Variants in FBXW11 observed in about 807,000 individuals in gnomAD.
The protein encoded by FBXW11 is F-box and WD repeat domain containing 11.
A neutral mutation model predicts 77.6 loss-of-function variants in FBXW11; 19 were observed. The observed-to-expected ratio is 0.24, with a 90% CI of 0.17 to 0.36. FBXW11 has a LOEUF of 0.36. FBXW11 is among the 10% of genes least tolerant of loss of function. The pLI, the probability that FBXW11 is intolerant of heterozygous loss-of-function variation, is 1.00. For missense variants in FBXW11, 334 were observed against 704.2 expected, an observed-to-expected ratio of 0.47 and a Z score of 5.95; for synonymous variants, 235 against 249.4, an observed-to-expected ratio of 0.94 and a Z score of 0.54.
intron 1 of FBXW11, among the ~76,000 whole-genome samples, chr5:171,987,259 C>T (rs1237963162): frequency 6.6e-6 from 1 of 152,112 alleles, no homozygotes; most frequent in African/African-American, 2.4e-5. Flanking sequence ...ACCCATACTC[C>T]CTTCCACACA....
At chr5:171,919,610 T>C (rs1453785925) in intron 2 of FBXW11, among the ~76,000 whole-genome samples, 1 of 152,216 alleles carries the variant, frequency 6.6e-6, no homozygotes, top group African/African-American at 2.4e-5. Context: ...GGCATTGTGA[T>C]AGAAACTTTA....
intron 1 of FBXW11, among the ~76,000 whole-genome samples, chr5:171,976,164 T>C (rs1427465185): frequency 1.3e-5 from 2 of 152,160 alleles, no homozygotes; most frequent in Non-Finnish European, 2.9e-5. Flanking sequence ...TAAAACTATC[T>C]GGACGACTTA....
Position 171,863,161 on chromosome 5 carries a change from C to T in FBXW11, c.*966G>A, listed in dbSNP as rs1216267195. ...ATTAAAAACACACACAAACCACACA[C>T]ACGCAATGACAACAACAAAATAAAA... On this transcript the variant is annotated 3_prime_UTR_variant, in exon 14 of 14. Coordinates refer to ENST00000517395, the MANE Select transcript of FBXW11 (RefSeq NM_001378974.1). 1 of 152,578 alleles carries T rather than the reference C, an allele frequency of 6.6e-6. No individual in the cohort carries two copies. The highest frequency in any genetic ancestry group is 1.5e-5 in the Non-Finnish European group (1 of 68,036). The allele number at this position is 152,578 out of a possible 1,614,324, so 9.5% of individuals were successfully genotyped here.
At chr5:172,002,903 T>C (rs976091752) in intron 1 of FBXW11, among the ~76,000 whole-genome samples, 1 of 151,340 alleles carries the variant, frequency 6.6e-6, no homozygotes, top group Non-Finnish European at 1.5e-5. Flanking sequence ...TTTGTTATGT[T>C]GCCTAGGCTG....
chr5:171,924,136 C>A (rs1006581014), intron 2 of FBXW11, among the ~76,000 whole-genome samples: 1 of 151,704 alleles, frequency 6.6e-6, no homozygotes, highest in Non-Finnish European at 1.5e-5. Flanking sequence ...GTTGGCCAGG[C>A]TGGTCTTGAA....
At chr5:171,895,966 G>C (rs1217365507) in intron 6 of FBXW11, among the ~76,000 whole-genome samples, 3 of 152,218 alleles carry the variant, frequency 2.0e-5, no homozygotes, top group Admixed American at 6.5e-5. Flanking sequence ...ACCCAGGCGA[G>C]ATGAGCCTTT....
rs142780501 is a variant in FBXW11, at chr5:171,951,842, T to C, written c.147+5755A>G. On this transcript the variant is annotated intron_variant, in intron 2 of 13. Transcript: ENST00000517395. ...GCATGAAACAGTGGTTTGTAAAACT[T>C]TGAGGCATTTTAGGTTTGCTTTTAA... 8.5e-5 allele frequency among the ~76,000 whole-genome samples: 13 copies of C among 152,276 alleles called. No homozygotes were observed. In the East Asian group the frequency reaches 2.5e-3, roughly 29 times the overall value.
chr5:172,002,344 G>A (rs1766456962), intron 1 of FBXW11, among the ~76,000 whole-genome samples: 2 of 151,818 alleles, frequency 1.3e-5, no homozygotes, highest in African/African-American at 4.8e-5. Flanking sequence ...GCAAAATCAG[G>A]GGCAAAAATT....
rs1766800973 is a variant in FBXW11, at chr5:172,006,624, G to A, written c.-122C>T. Reference sequence around the variant, plus strand: ...TCGCACCCACTCTAGCTGCCAGCCCGCCCGGGCCGCCGGCAGCTCCGCCCT... The same window carrying A: ...TCGCACCCACTCTAGCTGCCAGCCCACCCGGGCCGCCGGCAGCTCCGCCCT... On this transcript the variant is annotated 5_prime_UTR_variant, in exon 1 of 14. Coordinates refer to ENST00000517395, the MANE Select transcript of FBXW11 (RefSeq NM_001378974.1). The A allele has an allele frequency of 1.5e-6, 2 of 1,299,384 alleles. No homozygotes were observed. The highest frequency in any genetic ancestry group is 3.2e-5 in the East Asian group (1 of 31,492). 80.5% of individuals were successfully genotyped at this position (1,299,384 alleles called of 1,614,324 possible). A position where few individuals can be genotyped will look rare whatever the true frequency, so the allele number is the denominator to read the frequency against.
At chr5:171,978,865 CA>C (rs1237182435) in intron 1 of FBXW11, among the ~76,000 whole-genome samples, 3 of 152,146 alleles carry the variant, frequency 2.0e-5, no homozygotes, top group Admixed American at 2.0e-4. Context: ...CGAATAGCCA[CA>C]AACATTAGAA....
rs79926631 is a variant in FBXW11, at chr5:172,004,893, G to A, written c.45+1565C>T. 4.7e-4 allele frequency among the ~76,000 whole-genome samples: 42 copies of A among 88,944 alleles called. 1 individual carries two copies. Among genetic ancestry groups the A allele is most frequent in the Admixed American group, 4.5e-3 (37 of 8,308 alleles). The allele number at this position is 88,944 out of a possible 152,430, so 58.4% of individuals were successfully genotyped here. A position where few individuals can be genotyped will look rare whatever the true frequency, so the allele number is the denominator to read the frequency against. ...CACACACACACACACACACACACAC[G>A]CATGCAAAAATCAAAAACTATCAGT... is the stretch of plus-strand genomic sequence containing the variant. On this transcript the variant is annotated intron_variant, in intron 1 of 13. Transcript: ENST00000517395.
intron 1 of FBXW11, among the ~76,000 whole-genome samples, chr5:171,961,897 T>C (rs1166206205): frequency 6.6e-6 from 1 of 152,250 alleles, no homozygotes; most frequent in Non-Finnish European, 1.5e-5. Flanking sequence ...TCTGCCTGCC[T>C]TGGCCTCCCA....
rs200118675 is a variant in FBXW11 at position 171,898,986 on chromosome 5, G to A, written c.714+18C>T. ...CAAGAAACAAAGAGCCCATAAAACA[G>A]ATAAATCATAAAGTTACCTCTATAT... On this transcript the variant is annotated intron_variant, in intron 6 of 13. Transcript: ENST00000517395. 194 of 1,496,518 alleles carry A rather than the reference G, an allele frequency of 1.3e-4. No homozygotes were observed. In the African/African-American group the frequency reaches 2.6e-3, roughly 20 times the overall value. 92.7% of individuals were successfully genotyped at this position (1,496,518 alleles called of 1,614,324 possible).
intron 1 of FBXW11, among the ~76,000 whole-genome samples, chr5:171,976,148 G>C (rs1017571757): frequency 1.3e-5 from 2 of 152,154 alleles, no homozygotes; most frequent in Non-Finnish European, 2.9e-5. Context: ...TGAAGTAACA[G>C]TGAGATAAAA....
chr5:171,948,653 A>G (rs150308600), intron 2 of FBXW11, among the ~76,000 whole-genome samples: 55 of 152,344 alleles, frequency 3.6e-4, no homozygotes, highest in African/African-American at 1.3e-3. Context: ...GTAAATATAA[A>G]CCAACAGAAA....
chr5:171,931,405 C>T (rs1295776800), intron 2 of FBXW11, among the ~76,000 whole-genome samples: 2 of 152,222 alleles, frequency 1.3e-5, no homozygotes, highest in Non-Finnish European at 2.9e-5. Flanking sequence ...ATACAGTCAA[C>T]TCATCTTTGA....
intron 1 of FBXW11, chr5:171,997,131 G>C: frequency 5.0e-6 from 6 of 1,192,372 alleles, no homozygotes; most frequent in Non-Finnish European, 6.7e-6. Context: ...TGGAAGGAAG[G>C]GTCAATGGAA....
chr5:171,875,440 G>T (rs1208016748), intron 9 of FBXW11, among the ~76,000 whole-genome samples: 1 of 152,194 alleles, frequency 6.6e-6, no homozygotes, highest in Non-Finnish European at 1.5e-5. Context: ...GTGATCACCA[G>T]GGACTGGGAA....
At chr5:171,999,400 A>ATAT (rs1013119656) in intron 1 of FBXW11, among the ~76,000 whole-genome samples, 2 of 141,482 alleles carry the variant, frequency 1.4e-5, no homozygotes, top group South Asian at 2.1e-4. Context: ...AAAAAAAAAA[A>ATAT]ATATATATAT....
Sources: gnomAD v4.1 joint callset for allele counts (sites outside exome capture counted in the v4.1 genomes callset) on GRCh38, gnomAD v4.1.1 for gene constraint, MANE v1.5 for transcripts, NCBI Gene and HGNC (gene_info 2026-07-23, HGNC 2026-07-21) for gene names.